PSD3: variants seen among roughly 807,000 people sequenced by gnomAD.
PSD3 encodes pleckstrin and Sec7 domain containing 3, also known as PH and SEC7 domain-containing protein 3.
A neutral mutation model predicts 105.5 loss-of-function variants in PSD3; 49 were observed. The observed-to-expected ratio is 0.46, with a 90% confidence interval of 0.37 to 0.59. The LOEUF (loss-of-function observed/expected upper bound fraction) is 0.59, where lower values mean the gene tolerates loss of function less well. Ranked by LOEUF, PSD3 falls within the 20% of genes least tolerant of loss-of-function variation. PSD3 has a pLI of 0.00. For missense variants in PSD3, 1,561 were observed against 1,263.8 expected (o/e 1.24, Z -3.57); for synonymous variants, 557 against 457.8 (o/e 1.22, Z -2.77).
In PSD3 at chr8:19,062,920, C is replaced by T. The variant is rs144250347; in HGVS notation, c.324+21286G>A. Among the ~76,000 whole-genome samples, 1,140 of 152,050 alleles carry T rather than the reference C, an allele frequency of 7.5e-3. 13 individuals carry two copies. Among genetic ancestry groups the T allele is most frequent in the African/African-American group, 0.026 (1,065 of 41,482 alleles). On this transcript the variant is annotated intron_variant, in intron 1 of 1. Coordinates refer to the PSD3 transcript ENST00000521475. ...ATGCAAAAGAAAAGAAAACTCAGGG[C>T]CATTAAAAACTAGTCAAGAAAAAAT...
chr8:18,789,772 G>C (rs988585224), intron 8 of PSD3, among the ~76,000 whole-genome samples: 1 of 152,122 alleles, frequency 6.6e-6, no homozygotes, highest in African/African-American at 2.4e-5. Flanking sequence ...CAAGAGTCAG[G>C]GGTTTCAGCC....
At chr8:18,774,264 A>G (rs1260369035) in intron 8 of PSD3, among the ~76,000 whole-genome samples, 2 of 152,222 alleles carry the variant, frequency 1.3e-5, no homozygotes, top group African/African-American at 4.8e-5. Context: ...ATAGCTACAT[A>G]TATTTTTAGA....
chr8:18,837,590 T>C (rs532412522), intron 4 of PSD3, among the ~76,000 whole-genome samples: 1 of 152,112 alleles, frequency 6.6e-6, no homozygotes, highest in Admixed American at 6.5e-5. Context: ...GATGTTTTAA[T>C]ACTCACTGGC....
At chr8:18,855,912 C>T (rs1287868965) in intron 4 of PSD3, among the ~76,000 whole-genome samples, 4 of 152,108 alleles carry the variant, frequency 2.6e-5, no homozygotes, top group African/African-American at 9.7e-5. Context: ...TTTTGGTATG[C>T]CTCAAATGTT....
intron 15 of PSD3, among the ~76,000 whole-genome samples, chr8:18,544,970 G>A (rs912609903): frequency 6.6e-6 from 1 of 152,148 alleles, no homozygotes; most frequent in Non-Finnish European, 1.5e-5. Context: ...CAGTTGCCAA[G>A]ACCAGGAGTA....
chr8:18,811,296 T>C (rs1811660262), intron 4 of PSD3, among the ~76,000 whole-genome samples: 1 of 152,212 alleles, frequency 6.6e-6, no homozygotes, highest in Non-Finnish European at 1.5e-5. Context: ...TTATAAGCTT[T>C]ACTACTATCC....
chr8:18,839,509 T>C (rs1032870633), intron 4 of PSD3, among the ~76,000 whole-genome samples: 1 of 152,136 alleles, frequency 6.6e-6, no homozygotes. Context: ...AGGTGGAGTC[T>C]GTTTGCTGCA....
intron 9 of PSD3, among the ~76,000 whole-genome samples, chr8:18,748,727 G>A (rs1422539739): frequency 2.0e-5 from 3 of 151,010 alleles, no homozygotes; most frequent in Non-Finnish European, 2.9e-5. Context: ...GTTATAATAC[G>A]GCAGTAATGT....
At chr8:18,961,710 G>C (rs1478629366) in intron 1 of PSD3, among the ~76,000 whole-genome samples, 1 of 151,840 alleles carries the variant, frequency 6.6e-6, no homozygotes, top group African/African-American at 2.4e-5. Flanking sequence ...AATGCAGAAG[G>C]TATTTGTAGA....
At chr8:18,844,298 A>T (rs1344995810) in intron 4 of PSD3, among the ~76,000 whole-genome samples, 2 of 152,230 alleles carry the variant, frequency 1.3e-5, no homozygotes, top group African/African-American at 2.4e-5. Flanking sequence ...AGATGGTGAA[A>T]TTTTTTACAA....
chr8:18,732,007 G>C (rs1468404826), intron 9 of PSD3, among the ~76,000 whole-genome samples: 1 of 152,058 alleles, frequency 6.6e-6, no homozygotes, highest in African/African-American at 2.4e-5. Context: ...TTTTTCCACT[G>C]TTTTTCTTTT....
chr8:18,904,480 G>A (rs967151992), intron 2 of PSD3, among the ~76,000 whole-genome samples: 1 of 152,220 alleles, frequency 6.6e-6, no homozygotes, highest in Non-Finnish European at 1.5e-5. Flanking sequence ...CAAGGACTAT[G>A]TTGGAACTTC....
At chr8:19,045,330 C>T (rs1828279057) in intron 1 of PSD3, among the ~76,000 whole-genome samples, 2 of 152,028 alleles carry the variant, frequency 1.3e-5, no homozygotes, top group Admixed American at 1.3e-4. Flanking sequence ...GATATGAAAC[C>T]AAGAGATTCA....
At chr8:18,536,065 ACTTCG>A in intron 15 of PSD3, 107 bp from the exon 16 acceptor site, 1 of 1,077,086 alleles carries the variant, frequency 9.3e-7, no homozygotes, top group South Asian at 1.5e-5. Flanking sequence ...GCTGTTGAAG[ACTTCG>A]CTTCATTTCC....
intron 2 of PSD3, among the ~76,000 whole-genome samples, chr8:18,915,408 C>T (rs764439594): frequency 3.3e-5 from 5 of 152,118 alleles, no homozygotes; most frequent in Non-Finnish European, 7.4e-5. Flanking sequence ...TGAAAAGACA[C>T]CAACAGAAGT....
At chr8:19,020,970 T>C (rs1250453990) in intron 1 of PSD3, among the ~76,000 whole-genome samples, 1 of 152,116 alleles carries the variant, frequency 6.6e-6, no homozygotes, top group Non-Finnish European at 1.5e-5. Context: ...GGCAAGCCAC[T>C]GGATATACAA....
At chr8:18,557,717 C>A (rs968663345) in intron 14 of PSD3, among the ~76,000 whole-genome samples, 2 of 152,130 alleles carry the variant, frequency 1.3e-5, no homozygotes, top group African/African-American at 4.8e-5. Flanking sequence ...AGAAAAGAAA[C>A]CTATTTTGAG....
chr8:18,777,174 C>CT (rs1016213471), intron 8 of PSD3, among the ~76,000 whole-genome samples: 21 of 152,048 alleles, frequency 1.4e-4, no homozygotes, highest in Non-Finnish European at 2.8e-4. Flanking sequence ...TCCCGTGTAG[C>CT]TGGGACTACA....
At chr8:18,860,793 T>C (rs1414881600) in intron 4 of PSD3, among the ~76,000 whole-genome samples, 1 of 152,172 alleles carries the variant, frequency 6.6e-6, no homozygotes, top group East Asian at 1.9e-4. Context: ...GATATATGAA[T>C]AAAAATATTG....
Sources: allele counts gnomAD v4.1 joint callset (sites outside exome capture counted in the v4.1 genomes callset), GRCh38; gene constraint gnomAD v4.1.1; transcripts MANE v1.5; gene names NCBI Gene and HGNC (gene_info 2026-07-23, HGNC 2026-07-21).